CNTN4: variants seen among roughly 807,000 people sequenced by gnomAD.
CNTN4 encodes the protein contactin 4, also known as contactin-4.
Under a neutral mutation model 122.5 loss-of-function variants are expected in CNTN4, and 77 were observed. That is an observed-to-expected ratio of 0.63 (90% CI 0.52 to 0.76). The LOEUF is 0.76. CNTN4 is among the 30% of genes least tolerant of loss of function. The pLI is 0.00. For synonymous variants in CNTN4, 512 were observed against 447.0 expected (o/e 1.15, Z -1.83); for missense variants, 1,256 against 1,259.1 (o/e 1.00, Z 0.04).
chr3:2,934,703 T>G (rs566160783), intron 13 of CNTN4, among the ~76,000 whole-genome samples: 2 of 152,356 alleles, frequency 1.3e-5, no homozygotes, highest in South Asian at 2.1e-4. Flanking sequence ...GCTATAAAGC[T>G]CTGTTATTAG....
intron 2 of CNTN4, among the ~76,000 whole-genome samples, chr3:2,108,871 C>A (rs2032698126): frequency 6.6e-6 from 1 of 152,140 alleles, no homozygotes; most frequent in South Asian, 2.1e-4. Flanking sequence ...ATCCAGTACA[C>A]AGCTTTTGTT....
chr3:2,530,944 C>G (rs576673471), intron 3 of CNTN4, among the ~76,000 whole-genome samples: 3 of 152,136 alleles, frequency 2.0e-5, no homozygotes, highest in African/African-American at 7.2e-5. Flanking sequence ...CTTTCCCAGT[C>G]TCTTACCTTG....
intron 2 of CNTN4, among the ~76,000 whole-genome samples, chr3:2,231,742 A>C (rs2039495948): frequency 6.6e-6 from 1 of 152,240 alleles, no homozygotes; most frequent in Non-Finnish European, 1.5e-5. Context: ...AATGGTTGAT[A>C]ATGATTAAAA....
chr3:2,475,394 C>T (rs963094513), intron 3 of CNTN4, among the ~76,000 whole-genome samples: 3 of 152,146 alleles, frequency 2.0e-5, no homozygotes, highest in Non-Finnish European at 4.4e-5. Context: ...AAGGATATGA[C>T]ATTAGTGTCA....
intron 7 of CNTN4, among the ~76,000 whole-genome samples, chr3:2,851,861 A>T (rs1170143946): frequency 6.6e-6 from 1 of 152,226 alleles, no homozygotes; most frequent in Non-Finnish European, 1.5e-5. Flanking sequence ...GAAGAAGAAA[A>T]AATAATAAAA....
chr3:2,449,378 G>C (rs921100197), intron 3 of CNTN4, among the ~76,000 whole-genome samples: 29 of 152,258 alleles, frequency 1.9e-4, no homozygotes, highest in Non-Finnish European at 3.8e-4. Flanking sequence ...ACTTTGGGAG[G>C]CTGAGGTGGG....
At chr3:2,950,225 A>AG in intron 13 of CNTN4, among the ~76,000 whole-genome samples, 1 of 152,258 alleles carries the variant, frequency 6.6e-6, no homozygotes, top group Non-Finnish European at 1.5e-5. Flanking sequence ...GTATTCCCAC[A>AG]GGCATGTGCT....
intron 3 of CNTN4, among the ~76,000 whole-genome samples, chr3:2,412,273 C>T (rs2047251299): frequency 2.0e-5 from 3 of 149,700 alleles, no homozygotes; most frequent in Admixed American, 6.7e-5. Context: ...TTTTTGGAGG[C>T]GGAGTTTCAC....
chr3:2,711,190 G>A (rs576075625), intron 4 of CNTN4, among the ~76,000 whole-genome samples: 13 of 152,234 alleles, frequency 8.5e-5, no homozygotes, highest in Admixed American at 3.3e-4. Context: ...TACAGGGGCC[G>A]GATACAGAAA....
At chr3:3,044,040 T>C (rs1700397104) in intron 23 of CNTN4, among the ~76,000 whole-genome samples, 1 of 152,182 alleles carries the variant, frequency 6.6e-6, no homozygotes, top group South Asian at 2.1e-4. Flanking sequence ...TTTATATATA[T>C]TTTTTAGTCA....
chr3:2,867,007 G>A (rs1216060230), intron 8 of CNTN4, 58 bp downstream of exon 8: 3 of 1,449,636 alleles, frequency 2.1e-6, no homozygotes, highest in Non-Finnish European at 1.9e-6. Flanking sequence ...TGAATGTGGA[G>A]GTATGTTATG....
At chr3:2,728,946 G>A (rs1454712107) in intron 4 of CNTN4, among the ~76,000 whole-genome samples, 2 of 152,202 alleles carry the variant, frequency 1.3e-5, no homozygotes, top group African/African-American at 4.8e-5. Context: ...TGTTATGGCA[G>A]CACTTCATAC....
intron 3 of CNTN4, among the ~76,000 whole-genome samples, chr3:2,451,490 AG>A (rs2048827590): frequency 3.4e-5 from 5 of 149,046 alleles, no homozygotes; most frequent in East Asian, 3.9e-4. Flanking sequence ...GGTTGAAATC[AG>A]TTTTTTTTGT....
intron 7 of CNTN4, among the ~76,000 whole-genome samples, chr3:2,831,936 A>G (rs1351908726): frequency 2.6e-5 from 4 of 152,234 alleles, no homozygotes; most frequent in Non-Finnish European, 4.4e-5. Flanking sequence ...AAAAGATGAA[A>G]GGACTTTTAA....
intron 2 of CNTN4, among the ~76,000 whole-genome samples, chr3:2,220,296 A>G (rs1179519138): frequency 2.0e-5 from 3 of 152,146 alleles, no homozygotes; most frequent in Admixed American, 6.6e-5. Context: ...CTTGTGTTCT[A>G]TGTAGGTGAG....
chr3:2,246,252 G>T (rs1387717413), intron 2 of CNTN4, among the ~76,000 whole-genome samples: 2 of 152,030 alleles, frequency 1.3e-5, no homozygotes, highest in Non-Finnish European at 2.9e-5. Flanking sequence ...TTCTGTGGCT[G>T]AGATACAGTA....
intron 12 of CNTN4, among the ~76,000 whole-genome samples, chr3:2,916,734 T>C (rs927399715): frequency 9.3e-4 from 131 of 141,454 alleles, no homozygotes; most frequent in South Asian, 6.8e-3. Context: ...CCAGACGGGG[T>C]GGCGGCCGGG....
At chr3:2,445,021 CTCTA>C (rs562505576) in intron 3 of CNTN4, among the ~76,000 whole-genome samples, 11 of 145,002 alleles carry the variant, frequency 7.6e-5, no homozygotes, top group South Asian at 2.3e-4. Context: ...AAATCTATCT[CTCTA>C]TCTATCTATC....
intron 4 of CNTN4, among the ~76,000 whole-genome samples, chr3:2,711,349 A>G (rs1012195392): frequency 6.6e-5 from 10 of 152,146 alleles, no homozygotes; most frequent in Non-Finnish European, 4.4e-5. Flanking sequence ...GAGTGTTACA[A>G]AGCCTCCTGA....
Sources: allele counts gnomAD v4.1 joint callset (sites outside exome capture counted in the v4.1 genomes callset), GRCh38; gene constraint gnomAD v4.1.1; transcripts MANE v1.5; gene names NCBI Gene and HGNC (gene_info 2026-07-23, HGNC 2026-07-21).